SEC63: variants seen among roughly 807,000 people sequenced by gnomAD.
SEC63 encodes the protein translocation protein SEC63 homolog.
In SEC63, 56 loss-of-function variants were observed where a neutral mutation model predicts 116.2. That is an observed-to-expected ratio of 0.48 (90% CI 0.39 to 0.60). The LOEUF (loss-of-function observed/expected upper bound fraction) is 0.60. Ranked by LOEUF, SEC63 falls within the 20% of genes least tolerant of loss-of-function variation. SEC63 has a pLI of 0.00. For missense variants in SEC63, 668 were observed against 900.0 expected (o/e 0.74, Z 3.30); for synonymous variants, 273 against 294.6 (o/e 0.93, Z 0.75).
At chr6:107,890,950 A>C (rs1007164084) in intron 16 of SEC63, among the ~76,000 whole-genome samples, 1 of 152,162 alleles carries the variant, frequency 6.6e-6, no homozygotes, top group Non-Finnish European at 1.5e-5. Flanking sequence ...TGTTAGTCTG[A>C]TGGGCTTCCC....
intron 7 of SEC63, among the ~76,000 whole-genome samples, chr6:107,910,855 GC>G (rs1440209036): frequency 6.6e-6 from 1 of 151,630 alleles, no homozygotes; most frequent in African/African-American, 2.4e-5. Flanking sequence ...TGCAACCTCT[GC>G]CTCCTGGGTT....
chr6:107,925,049 C>G, intron 2 of SEC63, 117 bp from the exon 3 acceptor site: 2 of 710,404 alleles, frequency 2.8e-6, no homozygotes, highest in South Asian at 2.9e-5. Flanking sequence ...ATGCTACTGA[C>G]TCAAATTCTA....
intron 18 of SEC63, among the ~76,000 whole-genome samples, chr6:107,878,210 AG>A (rs1375380562): frequency 6.6e-6 from 1 of 152,246 alleles, no homozygotes. Context: ...TTAAAGACAC[AG>A]AAACCTGGGT....
intron 10 of SEC63, among the ~76,000 whole-genome samples, chr6:107,906,149 G>A (rs1787143787): frequency 6.6e-6 from 1 of 152,082 alleles, no homozygotes. Context: ...AAAAACGTGT[G>A]GCATCTCCCC....
intron 14 of SEC63, among the ~76,000 whole-genome samples, chr6:107,897,429 T>C (rs182678579): frequency 4.8e-4 from 73 of 152,368 alleles, no homozygotes; most frequent in African/African-American, 1.6e-3. Context: ...TTATGTTTTA[T>C]AGAGAATTAA....
intron 1 of SEC63, among the ~76,000 whole-genome samples, chr6:107,954,277 T>G (rs921278715): frequency 2.8e-4 from 43 of 151,470 alleles, no homozygotes; most frequent in African/African-American, 9.7e-5. Context: ...AGCATGCTCG[T>G]TAAGAGTCAT....
chr6:107,884,803 G>A (rs1455930401), intron 16 of SEC63, among the ~76,000 whole-genome samples: 1 of 151,888 alleles, frequency 6.6e-6, no homozygotes, highest in African/African-American at 2.4e-5. Context: ...AGAAAATACT[G>A]TAAAATCCAG....
chr6:107,943,546 T>A (rs1770419847), intron 1 of SEC63, among the ~76,000 whole-genome samples: 1 of 152,170 alleles, frequency 6.6e-6, no homozygotes. Flanking sequence ...TGGACCTACA[T>A]AGTTCAAACC....
chr6:107,943,114 C>T (rs778665126), intron 1 of SEC63, among the ~76,000 whole-genome samples: 8 of 152,206 alleles, frequency 5.3e-5, no homozygotes, highest in Non-Finnish European at 1.2e-4. Flanking sequence ...ACAAACTGCT[C>T]ACGCAGAGAT....
chr6:107,946,840 C>T (rs963398421), intron 1 of SEC63, among the ~76,000 whole-genome samples: 1 of 152,078 alleles, frequency 6.6e-6, no homozygotes, highest in Non-Finnish European at 1.5e-5. Context: ...CCCGTCTCTA[C>T]TAAAAATACA....
intron 1 of SEC63, among the ~76,000 whole-genome samples, chr6:107,956,628 T>A (rs1350479459): frequency 2.0e-5 from 3 of 152,204 alleles, no homozygotes; most frequent in African/African-American, 7.2e-5. Context: ...TTAAACTTAT[T>A]GTCAAACGTA....
intron 8 of SEC63, among the ~76,000 whole-genome samples, chr6:107,908,622 C>A (rs1423940339): frequency 6.6e-6 from 1 of 152,076 alleles, no homozygotes; most frequent in African/African-American, 2.4e-5. Flanking sequence ...AAGACACATA[C>A]AGTAACTAGC....
intron 14 of SEC63, among the ~76,000 whole-genome samples, chr6:107,895,043 A>G (rs933533672): frequency 6.6e-6 from 1 of 152,180 alleles, no homozygotes; most frequent in African/African-American, 2.4e-5. Flanking sequence ...TAGTCTAATT[A>G]TATCATAACT....
In SEC63 at chr6:107,867,801, A is replaced by T. The variant is rs1289436927; in HGVS notation, c.*3903T>A. On this transcript the variant is annotated 3_prime_UTR_variant, in exon 21 of 21. Coordinates refer to ENST00000369002, the MANE Select transcript of SEC63 (RefSeq NM_007214.5). ...TATTTATAAATAATAGAAGTGTACA[A>T]TTGTACAATATATTATGTACATTAT... 2 of 152,230 alleles carry T rather than the reference A, an allele frequency of 1.3e-5. No homozygotes were observed. Among genetic ancestry groups the T allele is most frequent in the Admixed American group, 6.5e-5 (1 of 15,286 alleles). 9.4% of individuals were successfully genotyped at this position (152,230 alleles called of 1,614,324 possible).
chr6:107,876,240 C>T (rs1256615310), intron 19 of SEC63, among the ~76,000 whole-genome samples: 1 of 152,118 alleles, frequency 6.6e-6, no homozygotes, highest in East Asian at 1.9e-4. Context: ...ATACTCAACA[C>T]TAATCCAATA....
intron 1 of SEC63, among the ~76,000 whole-genome samples, chr6:107,948,768 C>T (rs1010435328): frequency 6.6e-6 from 1 of 152,196 alleles, no homozygotes; most frequent in African/African-American, 2.4e-5. Context: ...CGAACAACTG[C>T]TTTTCTTCTC....
At chr6:107,873,776 C>T (rs1251663278) in intron 19 of SEC63, among the ~76,000 whole-genome samples, 1 of 151,780 alleles carries the variant, frequency 6.6e-6, no homozygotes, top group East Asian at 1.9e-4. Context: ...TCACAAAGGG[C>T]TGATTTCTTA....
At chr6:107,906,335 CTCAGGTATT>C (rs1465261388) in intron 10 of SEC63, 104 bp downstream of exon 10, 35 of 1,144,686 alleles carry the variant, frequency 3.1e-5, no homozygotes, top group Non-Finnish European at 4.6e-5. Context: ...ATTACCCAGC[CTCAGGTATT>C]TCTTTAGAGC....
intron 19 of SEC63, among the ~76,000 whole-genome samples, 191 bp downstream of exon 19, chr6:107,876,373 C>T (rs867738504): frequency 6.6e-6 from 1 of 152,058 alleles, no homozygotes; most frequent in Non-Finnish European, 1.5e-5. Flanking sequence ...ACTAAGTTGC[C>T]TACCTTTAAC....
Sources: gnomAD v4.1 joint callset for allele counts (sites outside exome capture counted in the v4.1 genomes callset) on GRCh38, gnomAD v4.1.1 for gene constraint, MANE v1.5 for transcripts, NCBI Gene and HGNC (gene_info 2026-07-23, HGNC 2026-07-21) for gene names.